RELL1: variants seen among roughly 807,000 people sequenced by gnomAD.
The protein encoded by RELL1 is RELT like 1.
A neutral mutation model predicts 23.0 loss-of-function variants in RELL1; 10 were observed. That is an observed-to-expected ratio of 0.43 (90% CI 0.27 to 0.74). The LOEUF (loss-of-function observed/expected upper bound fraction) is 0.74. Among genes scored for constraint, RELL1 ranks in the 30% least tolerant of loss-of-function variants. The pLI is 0.19. For missense variants in RELL1, 315 were observed against 364.4 expected (o/e 0.86, Z 1.10); for synonymous variants, 146 against 146.8 (o/e 0.99, Z 0.04).
intron 1 of RELL1, among the ~76,000 whole-genome samples, chr4:37,669,483 T>C (rs1377344735): frequency 6.6e-6 from 1 of 151,062 alleles, no homozygotes; most frequent in Admixed American, 6.6e-5. Flanking sequence ...CCACCCCTAC[T>C]GGGAAGTGAG....
At chr4:37,636,791 AAG>A (rs1220191144) in intron 4 of RELL1, among the ~76,000 whole-genome samples, 43 of 152,100 alleles carry the variant, frequency 2.8e-4, no homozygotes. Flanking sequence ...GGACTGTGGC[AAG>A]AGCCCCAGAG....
rs963664800 is a variant in RELL1, at chr4:37,612,818, C to A, written c.*528G>T. 10 of 152,138 alleles carry A rather than the reference C, an allele frequency of 6.6e-5. No homozygotes were observed. The highest frequency in any genetic ancestry group is 6.2e-4 in the South Asian group (3 of 4,822). 9.4% of individuals were successfully genotyped at this position (152,138 alleles called of 1,614,324 possible). On this transcript the variant is annotated 3_prime_UTR_variant, in exon 7 of 7. Transcript: ENST00000454158. ...GGCTAACTAGATTATTTCCACTGAG[C>A]TTTTACCACTGAAGATTCATCTTTT... is the stretch of plus-strand genomic sequence containing the variant.
At chr4:37,587,992 A>G (rs1718408290), downstream of RELL1, 1 of 152,238 alleles carries the variant, frequency 6.6e-6, no homozygotes, top group Non-Finnish European at 1.5e-5. Context: ...AAATAAAAAT[A>G]AAGGCTGTAG....
chr4:37,640,638 A>T (rs1720495964), intron 3 of RELL1, among the ~76,000 whole-genome samples: 1 of 152,240 alleles, frequency 6.6e-6, no homozygotes, highest in South Asian at 2.1e-4. Context: ...TAGGTTACTT[A>T]TAATACCTAA....
intron 6 of RELL1, among the ~76,000 whole-genome samples, chr4:37,593,372 C>T (rs1718708857): frequency 6.6e-6 from 1 of 152,154 alleles, no homozygotes; most frequent in Non-Finnish European, 1.5e-5. Context: ...ATCAATGACC[C>T]GCATATGAAT....
intron 3 of RELL1, among the ~76,000 whole-genome samples, chr4:37,642,035 G>T (rs73230539): frequency 5.4e-4 from 82 of 152,256 alleles, no homozygotes; most frequent in Non-Finnish European, 1.1e-3. Flanking sequence ...ACTCCAGGGT[G>T]GGTGCTTTTA....
intron 6 of RELL1, among the ~76,000 whole-genome samples, chr4:37,599,534 C>T (rs1014695099): frequency 1.3e-5 from 2 of 152,144 alleles, no homozygotes; most frequent in African/African-American, 4.8e-5. Context: ...CTAACAAAAG[C>T]TTTATGATTC....
chr4:37,638,519 T>G lies in RELL1; in HGVS notation c.386-15A>C, dbSNP rs1215237097. Reference sequence around the variant, plus strand: ...ATCAGCATTCGCTAAGGAATAAAAATAAAATTAAAGAATTAAAATAGAATG... The same window carrying G: ...ATCAGCATTCGCTAAGGAATAAAAAGAAAATTAAAGAATTAAAATAGAATG... On this transcript the variant is annotated splice_polypyrimidine_tract_variant and intron_variant, in intron 3 of 6. Transcript: ENST00000454158. The G allele has an allele frequency of 6.3e-7, 1 of 1,593,912 alleles. No homozygotes were observed. Among genetic ancestry groups the G allele is most frequent in the Non-Finnish European group, 8.6e-7 (1 of 1,164,346 alleles).
At chr4:37,625,211 A>G (rs922323798) in intron 6 of RELL1, among the ~76,000 whole-genome samples, 3 of 152,244 alleles carry the variant, frequency 2.0e-5, no homozygotes, top group Admixed American at 1.3e-4. Flanking sequence ...ACAGATGTCT[A>G]ATATTATGAA....
rs554220827 is a variant in RELL1 at position 37,597,585 on chromosome 4, T to C, written c.*4-6368A>G. On this transcript the variant is annotated intron_variant, in intron 6 of 6. Coordinates refer to the RELL1 transcript ENST00000314117. ...CAGGCCACAGAAGGTCCATAGCCTC[T>C]ACTCATCAGCCGACGTGCTGCTCTC... is the stretch of plus-strand genomic sequence containing the variant. Among the ~76,000 whole-genome samples the C allele has an allele frequency of 2.6e-5, 4 of 152,322 alleles. No homozygotes were observed. The South Asian group carries it at 8.3e-4, about 32-fold the overall frequency.
chr4:37,598,303 T>C lies in RELL1; in HGVS notation c.*4-7086A>G, dbSNP rs1371902452. Among the ~76,000 whole-genome samples the C allele has an allele frequency of 1.8e-4, 9 of 49,640 alleles. No individual in the cohort carries two copies. In the South Asian group the frequency reaches 4.1e-3, roughly 22 times the overall value. 32.6% of individuals were successfully genotyped at this position (49,640 alleles called of 152,430 possible). On this transcript the variant is annotated intron_variant, in intron 6 of 6. Transcript: ENST00000314117. ...AAAAAAAGTTTATAGGAAGAAAATA[T>C]ATAGAGAAAAAATCTGCAAAGACAT...
chr4:37,644,308 C>A (rs1720622745), intron 3 of RELL1, among the ~76,000 whole-genome samples: 1 of 151,994 alleles, frequency 6.6e-6, no homozygotes, highest in Non-Finnish European at 1.5e-5. Flanking sequence ...GAAGTGCTTA[C>A]TGCCAGCACC....
intron 6 of RELL1, among the ~76,000 whole-genome samples, chr4:37,603,572 A>G (rs558067361): frequency 1.3e-5 from 2 of 152,140 alleles, no homozygotes; most frequent in Non-Finnish European, 1.5e-5. Context: ...CCCCAACTCT[A>G]CTGTCCTCAG....
intron 6 of RELL1, among the ~76,000 whole-genome samples, chr4:37,600,285 A>AT (rs1164504778): frequency 7.9e-4 from 119 of 150,052 alleles, no homozygotes; most frequent in Non-Finnish European, 1.4e-3. Flanking sequence ...AAAAAAAAAA[A>AT]AAAAAAGTTA....
In RELL1 at chr4:37,660,821, G is replaced by A. The variant is rs188536950; in HGVS notation, c.89-11321C>T. On this transcript the variant is annotated intron_variant, in intron 1 of 6. Transcript: ENST00000454158. ...CCAAGGCGGGCAGATCACAAGGTCA[G>A]GAGATCAAGACCATCCTGGCTAACA... 7.3e-4 allele frequency among the ~76,000 whole-genome samples: 111 copies of A among 152,216 alleles called. No individual in the cohort carries two copies. In the East Asian group the frequency reaches 0.017, roughly 23 times the overall value.
At position 37,592,208 on chromosome 4, in the gene RELL1, C is replaced by CAA. The variant is rs34307749; in HGVS notation, c.*4-993_*4-992dup. ...TGGGTGACAGTGCAAGACTCCATCTCAAAAAAAAAAAAAAAAAAAAGAGCT... is the reference window on the plus strand; with the variant it reads ...TGGGTGACAGTGCAAGACTCCATCTCAAAAAAAAAAAAAAAAAAAAAAGAGCT... On this transcript the variant is annotated intron_variant, in intron 6 of 6. Coordinates refer to the RELL1 transcript ENST00000314117. Among the ~76,000 whole-genome samples, 21 of 93,344 alleles carry CAA rather than the reference C, an allele frequency of 2.2e-4. 1 individual carries two copies. The highest frequency in any genetic ancestry group is 6.4e-4 in the African/African-American group (14 of 21,892). The allele number at this position is 93,344 out of a possible 152,430, so 61.2% of individuals were successfully genotyped here.
At chr4:37,605,924 AGG>A (rs1719202579), downstream of RELL1, among the ~76,000 whole-genome samples, 5 of 146,182 alleles carry the variant, frequency 3.4e-5, no homozygotes, top group Admixed American at 2.1e-4. Context: ...GAAGGGAGGG[AGG>A]GAGAGAGAGA....
chr4:37,609,866 C>G (rs545073963), downstream of RELL1, among the ~76,000 whole-genome samples: 2 of 152,266 alleles, frequency 1.3e-5, no homozygotes, highest in South Asian at 4.1e-4. Flanking sequence ...AAAGTGGTTT[C>G]CTGAGATGGC....
intron 3 of RELL1, among the ~76,000 whole-genome samples, chr4:37,646,494 T>C (rs1720715244): frequency 6.6e-6 from 1 of 152,160 alleles, no homozygotes; most frequent in Non-Finnish European, 1.5e-5. Context: ...TGGGAAGATG[T>C]AAAGTTCTGG....
Sources: gnomAD v4.1 joint callset for allele counts (sites outside exome capture counted in the v4.1 genomes callset) on GRCh38, gnomAD v4.1.1 for gene constraint, MANE v1.5 for transcripts, NCBI Gene and HGNC (gene_info 2026-07-23, HGNC 2026-07-21) for gene names.